Variants in GRIA3 observed in about 807,000 individuals in gnomAD.
The protein encoded by GRIA3 is glutamate receptor 3.
In GRIA3, 3 loss-of-function variants were observed where a neutral mutation model predicts 63.0. The ratio of observed to expected loss-of-function variants is 0.05; its 90% CI spans 0.02 to 0.12. The LOEUF (loss-of-function observed/expected upper bound fraction) is 0.12, where lower values mean the gene tolerates loss of function less well. Ranked by LOEUF, GRIA3 falls within the 10% of genes least tolerant of loss-of-function variation. GRIA3 has a pLI of 1.00. For missense variants in GRIA3, 347 were observed against 700.9 expected, an observed-to-expected ratio of 0.50 and a Z score of 5.70; for synonymous variants, 274 against 257.9, an observed-to-expected ratio of 1.06 and a Z score of -0.60.
intron 4 of GRIA3, among the ~76,000 whole-genome samples, chrX:123,333,479 GTTCT>G (rs1012486046): frequency 9.9e-5 from 11 of 111,603 alleles, no homozygotes; most frequent in African/African-American, 2.9e-4. Context: ...AGAAACAAAA[GTTCT>G]TTCTTTCTTT....
In GRIA3 at chrX:123,280,346, C is replaced by A. The variant is rs182601909; in HGVS notation, c.508+26804C>A. Among the ~76,000 whole-genome samples the A allele has an allele frequency of 2.3e-3, 259 of 112,411 alleles. 1 individual carries two copies. Among genetic ancestry groups the A allele is most frequent in the African/African-American group, 8.0e-3 (249 of 30,976 alleles). ...TTTGCCTCTAAACTGTACAAAAAAA[C>A]CACTTCATCTTTTTTTGTGGTGCTT... On this transcript the variant is annotated intron_variant, in intron 3 of 15. Transcript: ENST00000620443.
chrX:123,240,749 C>T (rs2044325383), intron 2 of GRIA3, among the ~76,000 whole-genome samples: 1 of 111,750 alleles, frequency 8.9e-6, no homozygotes, highest in African/African-American at 3.3e-5. Context: ...CTTCTGGTGG[C>T]TCATTCTTCA....
intron 2 of GRIA3, among the ~76,000 whole-genome samples, chrX:123,208,628 T>A (rs1056022660): frequency 8.9e-6 from 1 of 112,113 alleles, no homozygotes; most frequent in African/African-American, 3.2e-5. Flanking sequence ...TGCTCACCCC[T>A]CTGAGTCATC....
At chrX:123,384,745 T>C (rs1229489055) in intron 5 of GRIA3, among the ~76,000 whole-genome samples, 2 of 112,684 alleles carry the variant, frequency 1.8e-5, no homozygotes, top group African/African-American at 6.4e-5. Context: ...TCTCTAATGA[T>C]CAGCAATGCT....
chrX:123,185,090 G>C, intron 1 of GRIA3: 1 of 306,323 alleles, frequency 3.3e-6, no homozygotes, highest in Non-Finnish European at 6.4e-6. Flanking sequence ...TGCTCAGTCC[G>C]TGGTCTCCGG....
intron 11 of GRIA3, among the ~76,000 whole-genome samples, chrX:123,423,271 G>A (rs779836572): frequency 8.9e-6 from 1 of 111,971 alleles, no homozygotes; most frequent in Admixed American, 9.5e-5. Flanking sequence ...AGAGGGCAGG[G>A]GGTCTGTCCA....
rs147842105 is a variant in GRIA3, at chrX:123,359,813, C to T, written c.750+4850C>T. Among the ~76,000 whole-genome samples the T allele has an allele frequency of 2.9e-4, 33 of 112,134 alleles. No individual in the cohort carries two copies. In the East Asian group the frequency reaches 6.2e-3, roughly 21 times the overall value. On this transcript the variant is annotated intron_variant, in intron 5 of 15. Coordinates refer to ENST00000620443, the MANE Select transcript of GRIA3 (RefSeq NM_007325.5). Reference sequence around the variant, plus strand: ...CCATAGCAGGGCTCATTCAGTGTTGCACCAGTTAACCACTGCCTTAGAAGA... The same window carrying T: ...CCATAGCAGGGCTCATTCAGTGTTGTACCAGTTAACCACTGCCTTAGAAGA...
intron 15 of GRIA3, among the ~76,000 whole-genome samples, chrX:123,487,355 T>C (rs2045947487): frequency 8.9e-6 from 1 of 112,752 alleles, no homozygotes; most frequent in South Asian, 3.7e-4. Flanking sequence ...GGGAAAAGAT[T>C]TTCATTTTTC....
chrX:123,465,235 A>G, intron 13 of GRIA3, 123 bp downstream of exon 13: 1 of 679,213 alleles, frequency 1.5e-6, no homozygotes, highest in African/African-American at 2.2e-5. Flanking sequence ...AATCTACAAT[A>G]TTCCATGGAG....
chrX:123,398,546 A>T, intron 6 of GRIA3, 90 bp from the exon 7 acceptor site: 1 of 716,350 alleles, frequency 1.4e-6, no homozygotes, highest in Non-Finnish European at 2.2e-6. Context: ...ATAGAACAAT[A>T]GGTAGAAATG....
Position 123,234,342 on chromosome X carries a change from G to T in GRIA3, c.269-18961G>T, listed in dbSNP as rs751665720. Among the ~76,000 whole-genome samples, 302 of 111,528 alleles carry T rather than the reference G, an allele frequency of 2.7e-3. 1 individual carries two copies. The highest frequency in any genetic ancestry group is 4.6e-3 in the Non-Finnish European group (242 of 52,974). On this transcript the variant is annotated intron_variant, in intron 2 of 15. Transcript: ENST00000620443. ...CCATCCCCATGACAAACACCCTTTT[G>T]GTCCTTATGCCACTCTCTAAAGCTT...
At chrX:123,478,677 T>C (rs1340903869) in intron 13 of GRIA3, among the ~76,000 whole-genome samples, 1 of 112,447 alleles carries the variant, frequency 8.9e-6, no homozygotes, top group Non-Finnish European at 1.9e-5. Flanking sequence ...CTATAGCAAG[T>C]CTTATTAGTG....
At chrX:123,355,042 A>G in intron 5 of GRIA3, 79 bp downstream of exon 5, 2 of 713,204 alleles carry the variant, frequency 2.8e-6, no homozygotes, top group Non-Finnish European at 2.3e-6. Flanking sequence ...AAGGAAATAC[A>G]TCAAGTACCT....
intron 2 of GRIA3, among the ~76,000 whole-genome samples, chrX:123,188,509 C>T (rs1927338074): frequency 9.0e-6 from 1 of 110,800 alleles, no homozygotes; most frequent in African/African-American, 3.3e-5. Context: ...CAGGTGACCC[C>T]CAGGTTCCAC....
At chrX:123,272,789 GA>G (rs1257483679) in intron 3 of GRIA3, among the ~76,000 whole-genome samples, 64 of 112,026 alleles carry the variant, frequency 5.7e-4, no homozygotes, top group African/African-American at 2.0e-3. Context: ...CTGAGAGAGA[GA>G]AACATGCATA....
rs1296642866 is a variant in GRIA3, at chrX:123,488,804, T to A, written c.*94T>A. On this transcript the variant is annotated 3_prime_UTR_variant, in exon 16 of 16. Transcript: ENST00000620443. ...GAGCCAGATTTCACTCTCCTTGGTG[T>A]CGGGCATGACACGAATATTGCTGAT... 1 of 111,411 alleles carries A rather than the reference T, an allele frequency of 9.0e-6. No homozygotes were observed. The highest frequency in any genetic ancestry group is 3.3e-5 in the African/African-American group (1 of 30,520). 9.2% of individuals were successfully genotyped at this position (111,411 alleles called of 1,213,427 possible). A position where few individuals can be genotyped will look rare whatever the true frequency, so the allele number is the denominator to read the frequency against.
At chrX:123,297,492 G>C (rs1170336164) in intron 3 of GRIA3, among the ~76,000 whole-genome samples, 1 of 112,050 alleles carries the variant, frequency 8.9e-6, no homozygotes, top group African/African-American at 3.2e-5. Context: ...TTACTAATCA[G>C]TACTTTTGGA....
At chrX:123,215,796 A>T (rs1361856736) in intron 2 of GRIA3, among the ~76,000 whole-genome samples, 5 of 111,912 alleles carry the variant, frequency 4.5e-5, no homozygotes, top group Admixed American at 1.9e-4. Context: ...TGCAAAATGC[A>T]TTATGGCTAA....
At chrX:123,458,104 T>A (rs1206743367) in intron 12 of GRIA3, among the ~76,000 whole-genome samples, 1 of 110,321 alleles carries the variant, frequency 9.1e-6, no homozygotes, top group African/African-American at 3.3e-5. Context: ...GAGAGCATAC[T>A]GATTCTCTAT....
Sources: gnomAD v4.1 joint callset for allele counts (sites outside exome capture counted in the v4.1 genomes callset) on GRCh38, gnomAD v4.1.1 for gene constraint, MANE v1.5 for transcripts, NCBI Gene and HGNC (gene_info 2026-07-23, HGNC 2026-07-21) for gene names.